Variants in PDK1 observed in about 807,000 individuals in gnomAD.
PDK1 encodes the protein pyruvate dehydrogenase kinase 1, also known as [Pyruvate dehydrogenase (acetyl-transferring)] kinase isozyme 1, mitochondrial.
PDK1 carries 39 observed loss-of-function variants against 54.2 expected under a neutral mutation model. That is an observed-to-expected ratio of 0.72 (90% CI 0.56 to 0.94). The LOEUF is 0.94. Among genes scored for constraint, PDK1 ranks in the 40% least tolerant of loss-of-function variants. The probability of loss-of-function intolerance (pLI) is 0.00; values close to 1 mark genes in which losing one functional copy is unlikely to be tolerated. For missense variants in PDK1, 552 were observed against 566.0 expected (o/e 0.98, Z 0.25); for synonymous variants, 221 against 207.1 (o/e 1.07, Z -0.58).
the PDK1 span, among the ~76,000 whole-genome samples, chr2:172,622,596 ATC>A: frequency 1.4e-5 from 2 of 147,582 alleles, no homozygotes; most frequent in Admixed American, 6.8e-5. Context: ...AGATGTTTAT[ATC>A]TCATATATTA....
intron 6 of PDK1, 120 bp from the exon 7 acceptor site, chr2:172,568,621 C>T (rs1228227688): frequency 4.5e-6 from 3 of 662,098 alleles, no homozygotes; most frequent in Non-Finnish European, 8.1e-6. Context: ...TGGCAGTTCT[C>T]CCCCAGGTAA....
chr2:172,712,339 C>T, the PDK1 span, among the ~76,000 whole-genome samples: 2 of 152,218 alleles, frequency 1.3e-5, no homozygotes, highest in Non-Finnish European at 2.9e-5. Context: ...CTGTGGCTGT[C>T]GGCACCTTTG....
At chr2:172,668,387 C>A in the PDK1 span, among the ~76,000 whole-genome samples, 13 of 151,474 alleles carry the variant, frequency 8.6e-5, no homozygotes, top group East Asian at 2.5e-3. Flanking sequence ...GAACAAAAAA[C>A]CCCCAGTAAT....
chr2:172,630,966 C>T, the PDK1 span, among the ~76,000 whole-genome samples: 2 of 152,124 alleles, frequency 1.3e-5, no homozygotes, highest in South Asian at 2.1e-4. Flanking sequence ...CTTCTCCATC[C>T]CCAGGTACTC....
chr2:172,667,737 A>G, the PDK1 span, among the ~76,000 whole-genome samples: 1 of 152,244 alleles, frequency 6.6e-6, no homozygotes, highest in Non-Finnish European at 1.5e-5. Context: ...AAGTACACAT[A>G]TTACAATTTA....
intron 3 of PDK1, among the ~76,000 whole-genome samples, chr2:172,563,613 C>G (rs1288796242): frequency 6.6e-6 from 1 of 152,142 alleles, no homozygotes; most frequent in Non-Finnish European, 1.5e-5. Flanking sequence ...GCGGGCGGAT[C>G]GTCTGAGGTC....
intron 9 of PDK1, among the ~76,000 whole-genome samples, chr2:172,587,495 G>T (rs1690308856): frequency 6.6e-6 from 1 of 152,136 alleles, no homozygotes; most frequent in South Asian, 2.1e-4. Context: ...GTGGGTTCGT[G>T]GTCTCGGTGG....
At chr2:172,665,536 T>C in the PDK1 span, among the ~76,000 whole-genome samples, 1 of 152,214 alleles carries the variant, frequency 6.6e-6, no homozygotes, top group African/African-American at 2.4e-5. Flanking sequence ...TGTCCTTTGT[T>C]TGGATCCATG....
At chr2:172,615,642 T>C in the PDK1 span, among the ~76,000 whole-genome samples, 3 of 152,022 alleles carry the variant, frequency 2.0e-5, no homozygotes, top group African/African-American at 7.3e-5. Context: ...AAACATTAAT[T>C]AATAGAAGCA....
chr2:172,677,418 T>G, the PDK1 span: 18 of 152,358 alleles, frequency 1.2e-4, no homozygotes, highest in South Asian at 1.7e-3. Context: ...ATTTTGTATC[T>G]ATTTTGCCTT....
At chr2:172,592,578 C>A (rs1193599023) in intron 9 of PDK1, among the ~76,000 whole-genome samples, 6 of 152,184 alleles carry the variant, frequency 3.9e-5, no homozygotes, top group Non-Finnish European at 8.8e-5. Flanking sequence ...CTGCTCTTCT[C>A]CCCTCTCCTG....
At chr2:172,556,615 C>T (rs1688345218) in intron 1 of PDK1, 3 of 337,064 alleles carry the variant, frequency 8.9e-6, no homozygotes, top group South Asian at 1.9e-4. Flanking sequence ...CGCCTCCCGG[C>T]GCACGTGTGC....
At chr2:172,586,210 T>C (rs2149275541) in intron 8 of PDK1, 68 bp from the exon 9 acceptor site, 3 of 857,096 alleles carry the variant, frequency 3.5e-6, no homozygotes, top group East Asian at 5.1e-5. Flanking sequence ...TGTGATGCTA[T>C]GAGTATGTGT....
the PDK1 span, among the ~76,000 whole-genome samples, chr2:172,655,892 C>T: frequency 6.6e-6 from 1 of 152,168 alleles, no homozygotes; most frequent in South Asian, 2.1e-4. Flanking sequence ...CACACATGTA[C>T]TTGAATGTAA....
the PDK1 span, among the ~76,000 whole-genome samples, chr2:172,641,746 A>G: frequency 1.3e-5 from 2 of 152,150 alleles, no homozygotes; most frequent in South Asian, 4.1e-4. Context: ...ACCCTGTCCC[A>G]GATCATTTAT....
chr2:172,635,819 C>T, the PDK1 span, among the ~76,000 whole-genome samples: 1 of 152,218 alleles, frequency 6.6e-6, no homozygotes, highest in African/African-American at 2.4e-5. Context: ...TTCCCCACAT[C>T]ATTCCAGGGG....
At chr2:172,586,431 C>A in intron 9 of PDK1, 43 bp downstream of exon 9, 1 of 1,183,962 alleles carries the variant, frequency 8.4e-7, no homozygotes, top group Non-Finnish European at 1.3e-6. Context: ...TGTGAATTGC[C>A]TTCCACATGC....
chr2:172,719,806 A>T, the PDK1 span, among the ~76,000 whole-genome samples: 1 of 152,116 alleles, frequency 6.6e-6, no homozygotes, highest in African/African-American at 2.4e-5. Flanking sequence ...CATATTACTA[A>T]TGGTTATTTC....
In PDK1 at chr2:172,556,111, A is replaced by G. The variant is rs534854699; in HGVS notation, c.-40A>G. On this transcript the variant is annotated 5_prime_UTR_variant, in exon 1 of 11. Coordinates refer to ENST00000282077, the MANE Select transcript of PDK1 (RefSeq NM_002610.5). ...TACCACTCGGCAGAGGCGCGGGGAA[A>G]CCTGGCGTACTGGCTGTGGCTTCTC... 40 of 1,346,468 alleles carry G rather than the reference A, an allele frequency of 3.0e-5. No homozygotes were observed. In the African/African-American group the frequency reaches 5.6e-4, roughly 19 times the overall value. The allele number at this position is 1,346,468 out of a possible 1,614,324, so 83.4% of individuals were successfully genotyped here.
Sources: gnomAD v4.1 joint callset for allele counts (sites outside exome capture counted in the v4.1 genomes callset) on GRCh38, gnomAD v4.1.1 for gene constraint, MANE v1.5 for transcripts, NCBI Gene and HGNC (gene_info 2026-07-23, HGNC 2026-07-21) for gene names.